WDR49: variants seen among roughly 807,000 people sequenced by gnomAD.
WDR49 encodes the protein WD repeat domain 49, also known as cilia- and flagella-associated protein 337.
WDR49 carries 107 observed loss-of-function variants against 119.5 expected under a neutral mutation model. The observed-to-expected ratio is 0.90, with a 90% CI of 0.77 to 1.05. The LOEUF is 1.05. WDR49 is among the 50% of genes least tolerant of loss of function. The pLI, the probability that WDR49 is intolerant of heterozygous loss-of-function variation, is 0.00. For synonymous variants in WDR49, 425 were observed against 418.8 expected (o/e 1.01, Z -0.18); for missense variants, 1,240 against 1,220.5 (o/e 1.02, Z -0.24).
intron 2 of WDR49, chr3:167,633,281 A>G (rs1717456756): frequency 2.7e-6 from 1 of 365,030 alleles, no homozygotes; most frequent in Non-Finnish European, 5.4e-6. Flanking sequence ...TATGACTATT[A>G]CCATCATAGC....
intron 7 of WDR49, among the ~76,000 whole-genome samples, chr3:167,587,189 CA>C (rs1240321057): frequency 6.6e-6 from 1 of 152,054 alleles, no homozygotes; most frequent in African/African-American, 2.4e-5. Context: ...TACCTTCAAG[CA>C]GTCAGAATCT....
intron 3 of WDR49, among the ~76,000 whole-genome samples, chr3:167,626,414 T>C (rs1717129279): frequency 6.6e-6 from 1 of 152,074 alleles, no homozygotes; most frequent in African/African-American, 2.4e-5. Context: ...CAGTATGTTA[T>C]CTTTCTGAGA....
At chr3:167,484,297 G>C (rs572348691) in intron 18 of WDR49, among the ~76,000 whole-genome samples, 1 of 152,092 alleles carries the variant, frequency 6.6e-6, no homozygotes, top group Non-Finnish European at 1.5e-5. Context: ...GGCCTGTTGT[G>C]GGGTGAGGGG....
At chr3:167,618,557 C>T (rs1009226533) in intron 5 of WDR49, among the ~76,000 whole-genome samples, 2 of 151,960 alleles carry the variant, frequency 1.3e-5, no homozygotes, top group East Asian at 1.9e-4. Context: ...ATATATAATA[C>T]GAATAAGATA....
chr3:167,588,309 C>T (rs1394736214), intron 7 of WDR49, among the ~76,000 whole-genome samples: 1 of 152,130 alleles, frequency 6.6e-6, no homozygotes, highest in Non-Finnish European at 1.5e-5. Context: ...CTGAGTAGTA[C>T]TCTACTGTTT....
intron 7 of WDR49, among the ~76,000 whole-genome samples, chr3:167,587,023 A>G (rs1375319764): frequency 6.6e-6 from 1 of 152,172 alleles, no homozygotes; most frequent in Non-Finnish European, 1.5e-5. Flanking sequence ...TGGTATATAT[A>G]TGGTATAATT....
Position 167,591,948 on chromosome 3 carries a change from G to A in WDR49, c.1275+10179C>T, listed in dbSNP as rs545400687. On this transcript the variant is annotated intron_variant, in intron 7 of 18. Transcript: ENST00000682715. ...CTGCCATTTTGTTATTTGTTTTCTG[G>A]TTGTCTTCTGGTCTTCTCTTCCTTC... Among the ~76,000 whole-genome samples the A allele has an allele frequency of 4.6e-5, 7 of 152,042 alleles. No individual in the cohort carries two copies. The South Asian group carries it at 1.2e-3, about 27-fold the overall frequency.
intron 18 of WDR49, among the ~76,000 whole-genome samples, chr3:167,491,418 C>G (rs985708038): frequency 4.6e-5 from 7 of 152,102 alleles, no homozygotes; most frequent in African/African-American, 1.7e-4. Context: ...CCAGGACCCT[C>G]TCTTTCCTTC....
At chr3:167,629,175 C>T (rs1407508513) in intron 2 of WDR49, among the ~76,000 whole-genome samples, 1 of 152,018 alleles carries the variant, frequency 6.6e-6, no homozygotes, top group African/African-American at 2.4e-5. Flanking sequence ...TCACTTAAGC[C>T]TGGGAGATAG....
At chr3:167,578,750 T>C (rs1252059675) in intron 7 of WDR49, among the ~76,000 whole-genome samples, 1 of 152,158 alleles carries the variant, frequency 6.6e-6, no homozygotes, top group Non-Finnish European at 1.5e-5. Flanking sequence ...TATGATTTCT[T>C]TAAAGCAGCC....
intron 15 of WDR49, 76 bp downstream of exon 15, chr3:167,527,744 A>G: frequency 7.1e-7 from 1 of 1,400,376 alleles, no homozygotes; most frequent in Non-Finnish European, 9.7e-7. Flanking sequence ...AGCTGATGAG[A>G]TTCAAATAGA....
At chr3:167,513,383 C>T (rs939651083) in intron 16 of WDR49, among the ~76,000 whole-genome samples, 3 of 152,082 alleles carry the variant, frequency 2.0e-5, no homozygotes, top group Non-Finnish European at 2.9e-5. Context: ...AAAGGAGAAA[C>T]AAGATTGTTT....
At chr3:167,562,579 G>A (rs150917362) in intron 8 of WDR49, among the ~76,000 whole-genome samples, 10 of 152,244 alleles carry the variant, frequency 6.6e-5, no homozygotes, top group Non-Finnish European at 1.5e-4. Context: ...TAATTTCTAA[G>A]ACCAAATGAT....
In WDR49 at chr3:167,604,422, G is replaced by C; in HGVS notation, c.1005C>G (p.Ser335Arg). 6.2e-7 allele frequency: 1 copy of C among 1,613,192 alleles called. No homozygotes were observed. The highest frequency in any genetic ancestry group is 1.3e-5 in the African/African-American group (1 of 74,986). Residue 335 changes from serine to arginine, a missense_variant, in exon 6 of 19, where the codon AGC (serine) becomes AGG (arginine). Transcript: ENST00000682715. ...AAGCCATCACCACACTATTTGTATTGCTGGTTGTACTGGAAATGATAGCGT... is the reference window on the plus strand; with the variant it reads ...AAGCCATCACCACACTATTTGTATTCCTGGTTGTACTGGAAATGATAGCGT... The part of the protein sequence containing the change: ...SLDAIISSTT[S>R]NTNSVVMAWR...
At chr3:167,490,308 T>C (rs551914701) in intron 18 of WDR49, among the ~76,000 whole-genome samples, 4 of 152,266 alleles carry the variant, frequency 2.6e-5, no homozygotes, top group African/African-American at 9.6e-5. Flanking sequence ...TCTGTGTGTG[T>C]TGTATTTGTG....
chr3:167,628,264 C>T (rs999015196), intron 2 of WDR49, among the ~76,000 whole-genome samples: 2 of 152,032 alleles, frequency 1.3e-5, no homozygotes, highest in African/African-American at 4.8e-5. Flanking sequence ...CAGAGTTTCA[C>T]GTCTCTCACT....
In WDR49 at chr3:167,560,130, G is replaced by A; in HGVS notation, c.1608C>T (p.Ile536=). 9 of 1,614,178 alleles carry A rather than the reference G, an allele frequency of 5.6e-6. No homozygotes were observed. The highest frequency in any genetic ancestry group is 7.6e-6 in the Non-Finnish European group (9 of 1,180,028). ...CATTTGCATCAAGGGCCATAGTGCTGATTTCTGCGTTGCCGTGGCAACCAG... is the reference window on the plus strand; with the variant it reads ...CATTTGCATCAAGGGCCATAGTGCTAATTTCTGCGTTGCCGTGGCAACCAG... ...QFTGCHGNAE[I]STMALDANET... is the part of the protein sequence containing the mutation. The change falls in exon 9 of 19, where the codon ATC becomes ATT. Residue 536 remains isoleucine, a synonymous_variant. Coordinates refer to ENST00000682715, the MANE Select transcript of WDR49 (RefSeq NM_001366157.1).
intron 10 of WDR49, among the ~76,000 whole-genome samples, chr3:167,540,555 C>T (rs545923715): frequency 6.6e-6 from 1 of 152,152 alleles, no homozygotes; most frequent in Admixed American, 6.5e-5. Context: ...GAACAGCAGC[C>T]CTTGAATTCC....
intron 6 of WDR49, among the ~76,000 whole-genome samples, chr3:167,603,133 G>T (rs1715863958): frequency 6.6e-6 from 1 of 152,100 alleles, no homozygotes; most frequent in Non-Finnish European, 1.5e-5. Context: ...AGATATTTTT[G>T]AACATCAATC....
Sources: gnomAD v4.1 joint callset for allele counts (sites outside exome capture counted in the v4.1 genomes callset) on GRCh38, gnomAD v4.1.1 for gene constraint, MANE v1.5 for transcripts, NCBI Gene and HGNC (gene_info 2026-07-23, HGNC 2026-07-21) for gene names.